The following VWF variants were observed in gnomAD, a reference collection of about 807,000 sequenced individuals.
VWF encodes Factor VIII related antigen.
A neutral mutation model predicts 308.6 loss-of-function variants in VWF; 176 were observed. That is an observed-to-expected ratio of 0.57 (90% confidence interval 0.50 to 0.65). The LOEUF (loss-of-function observed/expected upper bound fraction) is 0.65, where lower values mean the gene tolerates loss of function less well. Ranked by LOEUF, VWF falls within the 30% of genes least tolerant of loss-of-function variation. VWF has a pLI of 0.00. For missense variants in VWF, 3,146 were observed against 3,648.2 expected, an observed-to-expected ratio of 0.86 and a Z score of 3.55; for synonymous variants, 1,385 against 1,443.4, an observed-to-expected ratio of 0.96 and a Z score of 0.92.
chr12:5,954,260 G>A (rs2136340913), intron 47 of VWF, among the ~76,000 whole-genome samples: 1 of 152,242 alleles, frequency 6.6e-6, no homozygotes, highest in African/African-American at 2.4e-5. Flanking sequence ...GTCTACTCTT[G>A]TGACTCCTCA....
chr12:5,957,217 C>T (rs1186760534), intron 47 of VWF, among the ~76,000 whole-genome samples: 2 of 152,134 alleles, frequency 1.3e-5, no homozygotes, highest in Non-Finnish European at 2.9e-5. Flanking sequence ...TCTGGATTTG[C>T]GTATGTGCAC....
intron 38 of VWF, among the ~76,000 whole-genome samples, chr12:5,989,113 C>T (rs1229783812): frequency 6.6e-6 from 1 of 152,092 alleles, no homozygotes; most frequent in Non-Finnish European, 1.5e-5. Context: ...AAGGTTCCTG[C>T]TAAACTTGTG....
intron 37 of VWF, among the ~76,000 whole-genome samples, 173 bp downstream of exon 37, chr12:5,993,683 ATATATG>A (rs1384008455): frequency 3.7e-4 from 56 of 151,376 alleles, no homozygotes; most frequent in Admixed American, 1.5e-3. Context: ...ACACATATAC[ATATATG>A]TATATGTATA....
Position 6,062,207 on chromosome 12 carries a change from T to C in VWF, c.1533+747A>G, listed in dbSNP as rs142576289. Among the ~76,000 whole-genome samples the C allele has an allele frequency of 3.7e-3, 565 of 152,236 alleles. 4 individuals are homozygous for C. The highest frequency in any genetic ancestry group is 1.0e-2 in the South Asian group (48 of 4,824). On this transcript the variant is annotated intron_variant, in intron 13 of 51. Transcript: ENST00000261405. Reference sequence around the variant, plus strand: ...AGACCAAAAAGCGAGAACCACTTTTTGTTCTGATGGGAAAGGCATGAGGCA... The same window carrying C: ...AGACCAAAAAGCGAGAACCACTTTTCGTTCTGATGGGAAAGGCATGAGGCA...
Position 6,023,689 on chromosome 12 carries a change from A to G in VWF, c.3321T>C (p.Tyr1107=), listed in dbSNP as rs199851395. 1 of 1,613,940 alleles carries G rather than the reference A, an allele frequency of 6.2e-7. No individual in the cohort carries two copies. Among genetic ancestry groups the G allele is most frequent in the East Asian group, 2.2e-5 (1 of 44,888 alleles). ...TGCCATGCTGGGCACACACGTGGGC[A>G]TAGGCAGCAATGGTGTCGCAGAAGC... The part of the protein sequence containing the change: ...CACFCDTIAA[Y]AHVCAQHGKV... The change falls in exon 25 of 52, where the codon TAT becomes TAC. Residue 1107 remains tyrosine, a synonymous_variant. Coordinates refer to ENST00000261405, the MANE Select transcript of VWF (RefSeq NM_000552.5).
intron 15 of VWF, among the ~76,000 whole-genome samples, chr12:6,054,053 C>T (rs563660519): frequency 1.9e-4 from 29 of 152,336 alleles, no homozygotes; most frequent in African/African-American, 6.3e-4. Flanking sequence ...CATGCTTCTT[C>T]TGAGACCATC....
intron 47 of VWF, 66 bp downstream of exon 47, chr12:5,967,420 G>C: frequency 8.0e-7 from 1 of 1,245,468 alleles, no homozygotes; most frequent in South Asian, 1.2e-5. Flanking sequence ...ACCGCAGTGA[G>C]GTCCCACTGC....
intron 50 of VWF, 81 bp from the exon 51 acceptor site, chr12:5,949,964 G>C: frequency 7.7e-7 from 1 of 1,292,240 alleles, no homozygotes; most frequent in Non-Finnish European, 1.1e-6. Context: ...CCCTCACTGG[G>C]CTGGAAATAG....
In VWF at chr12:6,075,533, G is replaced by C. The variant is rs1282064425; in HGVS notation, c.676C>G (p.Gln226Glu). ...AACACCGAGGTGCTCTTCAGAAGCT[G>C]GCACTGCTCCCACAGGCCCTGCAGG... ...EMQKGLWEQC[Q>E]LLKSTSVFAR... The change falls in exon 7 of 52, where the codon CAG (glutamine) becomes GAG (glutamate). Residue 226 changes from glutamine (Q) to glutamate (E), a missense_variant. Around this residue, in one of 3 missense-constraint regions of VWF, gnomAD observed 1,304 missense variants for 1,353.0 expected, o/e 0.96. Transcript: ENST00000261405. This position sits in a 1 kb window ranked among gnomAD's most constrained non-coding sequence, Gnocchi z 4.7. 6 of 1,613,946 alleles carry C rather than the reference G, an allele frequency of 3.7e-6. No individual in the cohort carries two copies. The highest frequency in any genetic ancestry group is 4.2e-6 in the Non-Finnish European group (5 of 1,179,954).
chr12:5,977,525 AAAT>A (rs1943544943), intron 42 of VWF, among the ~76,000 whole-genome samples: 1 of 152,252 alleles, frequency 6.6e-6, no homozygotes, highest in Non-Finnish European at 1.5e-5. Context: ...AAATGGGAAG[AAAT>A]ATACATGTAT....
chr12:6,042,479 A>G (rs1774203222), intron 18 of VWF, among the ~76,000 whole-genome samples: 1 of 152,226 alleles, frequency 6.6e-6, no homozygotes, highest in Admixed American at 6.5e-5. Context: ...GCGCACCCTT[A>G]ATAAATTACA....
chr12:6,012,673 CA>C (rs925018224), intron 32 of VWF, among the ~76,000 whole-genome samples: 1 of 148,518 alleles, frequency 6.7e-6, no homozygotes, highest in African/African-American at 2.5e-5. Context: ...GCCCCCGCCA[CA>C]AAAAAAGCGT....
chr12:6,110,372 A>G lies in VWF; in HGVS notation c.532+2T>C. The G allele has an allele frequency of 6.2e-7, 1 of 1,613,972 alleles. No homozygotes were observed. Among genetic ancestry groups the G allele is most frequent in the Non-Finnish European group, 8.5e-7 (1 of 1,179,818 alleles). On this transcript the variant is annotated splice_donor_variant, in intron 5 of 51. Transcript: ENST00000261405. LOFTEE classifies it high-confidence loss of function. ...GGGAAATGGTATCCCAGAACATCTTACCTTCTTGGGTCATAAAGTCATCTT... is the reference window on the plus strand; with the variant it reads ...GGGAAATGGTATCCCAGAACATCTTGCCTTCTTGGGTCATAAAGTCATCTT...
At chr12:6,097,524 T>C (rs59539585) in intron 5 of VWF, among the ~76,000 whole-genome samples, 2,770 of 151,970 alleles carry the variant, frequency 0.018, 73 homozygotes, top group African/African-American at 0.063. Context: ...GAGAAAGCAA[T>C]GTGAAGACAG....
At position 5,993,842 on chromosome 12, in the gene VWF, G is replaced by A. The variant is rs1565822644; in HGVS notation, c.6598+20C>T. 1 of 1,610,038 alleles carries A rather than the reference G, an allele frequency of 6.2e-7. No individual in the cohort carries two copies. The highest frequency in any genetic ancestry group is 8.5e-7 in the Non-Finnish European group (1 of 1,179,084). On this transcript the variant is annotated intron_variant, in intron 37 of 51. Transcript: ENST00000261405. ...AGTTAGCTGGTCTCCAGGATTTTCA[G>A]AGGTAACTTGGAGACTCACCACAGA...
At chr12:6,052,112 G>T (rs1944521446) in intron 16 of VWF, among the ~76,000 whole-genome samples, 1 of 152,220 alleles carries the variant, frequency 6.6e-6, no homozygotes, top group African/African-American at 2.4e-5. Flanking sequence ...AGTGCATGAA[G>T]CAGGTCAGGG....
At chr12:5,979,255 C>A (rs1943566110) in intron 42 of VWF, among the ~76,000 whole-genome samples, 1 of 152,180 alleles carries the variant, frequency 6.6e-6, no homozygotes, top group Non-Finnish European at 1.5e-5. Context: ...AAAGTTCTTT[C>A]TTACGGGAGA....
At chr12:5,968,051 C>T (rs1313297796) in intron 46 of VWF, 76 bp downstream of exon 46, 10 of 1,597,288 alleles carry the variant, frequency 6.3e-6, no homozygotes, top group Non-Finnish European at 7.7e-6. Flanking sequence ...TTTACAATGA[C>T]TTGCCTGCTC....
intron 5 of VWF, among the ~76,000 whole-genome samples, chr12:6,108,707 T>C (rs1945271110): frequency 6.6e-6 from 1 of 151,774 alleles, no homozygotes; most frequent in South Asian, 2.1e-4. Context: ...TCAGGCCAGG[T>C]ACAGTGGCTC....
Sources: allele counts gnomAD v4.1 joint callset (sites outside exome capture counted in the v4.1 genomes callset), GRCh38; gene constraint gnomAD v4.1.1; regional missense constraint gnomAD v4.1.1; non-coding constraint Gnocchi (gnomAD v3.1); transcripts MANE v1.5; gene names NCBI Gene and HGNC (gene_info 2026-07-23, HGNC 2026-07-21).